The following CNIH4 variants were observed in gnomAD, a reference collection of about 807,000 sequenced individuals.
The protein encoded by CNIH4 is cornichon family member 4.
Under a neutral mutation model 21.5 loss-of-function variants are expected in CNIH4, and 9 were observed. The observed-to-expected ratio is 0.42, with a 90% CI of 0.25 to 0.73. The LOEUF (loss-of-function observed/expected upper bound fraction) is 0.73. Among genes scored for constraint, CNIH4 ranks in the 30% least tolerant of loss-of-function variants. The pLI is 0.27. For missense variants in CNIH4, 159 were observed against 170.0 expected, an observed-to-expected ratio of 0.94 and a Z score of 0.36; for synonymous variants, 67 against 59.1, an observed-to-expected ratio of 1.13 and a Z score of -0.61.
rs1672793893 is a variant in CNIH4 at position 224,376,781 on chromosome 1, C to T, written c.*959C>T. 2 of 978,138 alleles carry T rather than the reference C, an allele frequency of 2.0e-6. No individual in the cohort carries two copies. The highest frequency in any genetic ancestry group is 2.4e-6 in the Non-Finnish European group (2 of 826,350). The allele number at this position is 978,138 out of a possible 1,614,324, so 60.6% of individuals were successfully genotyped here. On this transcript the variant is annotated 3_prime_UTR_variant, in exon 5 of 5. Coordinates refer to ENST00000465271, the MANE Select transcript of CNIH4 (RefSeq NM_014184.4). Reference sequence around the variant, plus strand: ...AGCAATATACAACCAAACTCTGTTCCTTGGAGTTATATTGTAAACTCTTGC... The same window carrying T: ...AGCAATATACAACCAAACTCTGTTCTTTGGAGTTATATTGTAAACTCTTGC...
chr1:224,379,332 T>TC lies in CNIH4; in HGVS notation c.*3510_*3511insC. On this transcript the variant is annotated 3_prime_UTR_variant, in exon 5 of 5. Coordinates refer to ENST00000465271, the MANE Select transcript of CNIH4 (RefSeq NM_014184.4). ...TTGTATGCAATTAATCACTCTTAGA[T>TC]TGTATGTTCCTGGAGGGCAGAATAT... The TC allele has an allele frequency of 1.8e-6, 1 of 549,450 alleles. No homozygotes were observed. The highest frequency in any genetic ancestry group is 3.3e-6 in the Non-Finnish European group (1 of 304,312). 34.0% of individuals were successfully genotyped at this position (549,450 alleles called of 1,614,324 possible).
In CNIH4 at chr1:224,376,030, C is replaced by G. The variant is rs1358856381; in HGVS notation, c.*208C>G. ...TAGATTTCTAGTTCTCAACTTTAGC[C>G]TGAACGCCAACACTTGAAGGTGTTT... On this transcript the variant is annotated 3_prime_UTR_variant, in exon 5 of 5. Coordinates refer to ENST00000465271, the MANE Select transcript of CNIH4 (RefSeq NM_014184.4). 14 of 1,267,036 alleles carry G rather than the reference C, an allele frequency of 1.1e-5. No individual in the cohort carries two copies. Among genetic ancestry groups the G allele is most frequent in the Non-Finnish European group, 1.4e-5 (14 of 1,005,016 alleles). 78.5% of individuals were successfully genotyped at this position (1,267,036 alleles called of 1,614,324 possible). A position where few individuals can be genotyped will look rare whatever the true frequency, so the allele number is the denominator to read the frequency against.
Position 224,365,802 on chromosome 1 carries a change from T to C in CNIH4, c.139-77T>C, listed in dbSNP as rs571980351. 1.2e-3 allele frequency: 1,122 copies of C among 900,172 alleles called. 3 individuals are homozygous for C. Among genetic ancestry groups the C allele is most frequent in the Middle Eastern group, 4.5e-3 (21 of 4,658 alleles). 55.8% of individuals were successfully genotyped at this position (900,172 alleles called of 1,614,324 possible). A position where few individuals can be genotyped will look rare whatever the true frequency, so the allele number is the denominator to read the frequency against. On this transcript the variant is annotated intron_variant, in intron 2 of 4. Coordinates refer to ENST00000465271, the MANE Select transcript of CNIH4 (RefSeq NM_014184.4). ...AGCTTGTAAATTCTCTGTACGTTCA[T>C]TGATTTAGTTTCAAATAACATGTAC...
intron 2 of CNIH4, among the ~76,000 whole-genome samples, chr1:224,361,893 C>T (rs1672299151): frequency 6.6e-6 from 1 of 152,172 alleles, no homozygotes; most frequent in Admixed American, 6.5e-5. Flanking sequence ...CCTCATGTAG[C>T]TTCTTGAGAT....
chr1:224,363,842 T>C (rs1206105452), intron 2 of CNIH4, among the ~76,000 whole-genome samples: 1 of 152,210 alleles, frequency 6.6e-6, no homozygotes, highest in African/African-American at 2.4e-5. Flanking sequence ...TAGACTTCCC[T>C]GTAGGGTAAT....
Position 224,376,723 on chromosome 1 carries a change from T to C in CNIH4, c.*901T>C. ...CCTCTGCACTGACCACGTTGTGAACTGGGAGACCAAATGCAAGCCATTTCA... is the reference window on the plus strand; with the variant it reads ...CCTCTGCACTGACCACGTTGTGAACCGGGAGACCAAATGCAAGCCATTTCA... On this transcript the variant is annotated 3_prime_UTR_variant, in exon 5 of 5. Transcript: ENST00000465271. 2 of 985,436 alleles carry C rather than the reference T, an allele frequency of 2.0e-6. No homozygotes were observed. The highest frequency in any genetic ancestry group is 2.4e-6 in the Non-Finnish European group (2 of 829,938). The allele number at this position is 985,436 out of a possible 1,614,324, so 61.0% of individuals were successfully genotyped here. A position where few individuals can be genotyped will look rare whatever the true frequency, so the allele number is the denominator to read the frequency against.
upstream of CNIH4, chr1:224,356,837 T>G: frequency 8.5e-7 from 1 of 1,173,486 alleles, no homozygotes; most frequent in Non-Finnish European, 1.2e-6. Flanking sequence ...ACCACACGCC[T>G]CAGCCAGCCC....
intron 4 of CNIH4, among the ~76,000 whole-genome samples, chr1:224,375,036 C>G (rs1434005422): frequency 6.6e-6 from 1 of 152,172 alleles, no homozygotes; most frequent in Non-Finnish European, 1.5e-5. Flanking sequence ...TTATTGTTAA[C>G]TGTGTCAATT....
chr1:224,376,186 T>C lies in CNIH4; in HGVS notation c.*364T>C. The C allele has an allele frequency of 9.9e-7, 1 of 1,011,990 alleles. No homozygotes were observed. The highest frequency in any genetic ancestry group is 1.2e-6 in the Non-Finnish European group (1 of 847,738). The allele number at this position is 1,011,990 out of a possible 1,614,324, so 62.7% of individuals were successfully genotyped here. A position where few individuals can be genotyped will look rare whatever the true frequency, so the allele number is the denominator to read the frequency against. ...AAGAGATGAGCGAGCAAAGGTGCCC[T>C]TCAGGTCTACTGAAAAGTTAGAGTA... On this transcript the variant is annotated 3_prime_UTR_variant, in exon 5 of 5. Coordinates refer to ENST00000465271, the MANE Select transcript of CNIH4 (RefSeq NM_014184.4).
rs772022347 is a variant in CNIH4, at chr1:224,365,918, G to T, written c.178G>T (p.Val60Leu). 2 of 1,612,942 alleles carry T rather than the reference G, an allele frequency of 1.2e-6. No homozygotes were observed. The highest frequency in any genetic ancestry group is 2.7e-5 in the African/African-American group (2 of 74,894). Residue 60 changes from valine to leucine, a missense_variant, in exon 3 of 5, where the codon GTA becomes TTA. By Grantham distance (32) the Val-to-Leu change is conservative. Coordinates refer to ENST00000465271, the MANE Select transcript of CNIH4 (RefSeq NM_014184.4). ...PELIGHTIVT[V>L]LLLMSLHWFI... ...ATTGATTGGCCATACCATTGTCACT[G>T]TATTACTGCTCATGTCATTGCACTG...
chr1:224,373,781 T>C (rs917497117), intron 4 of CNIH4, among the ~76,000 whole-genome samples: 1 of 151,408 alleles, frequency 6.6e-6, no homozygotes, highest in African/African-American at 2.4e-5. Context: ...TGAGCCGATA[T>C]CATGCCACTG....
rs1290155293 is a variant in CNIH4 at position 224,377,247 on chromosome 1, T to C, written c.*1425T>C. 6.6e-6 allele frequency: 1 copy of C among 152,244 alleles called. No individual in the cohort carries two copies. The highest frequency in any genetic ancestry group is 1.5e-5 in the Non-Finnish European group (1 of 68,052). The allele number at this position is 152,244 out of a possible 1,614,324, so 9.4% of individuals were successfully genotyped here. A position where few individuals can be genotyped will look rare whatever the true frequency, so the allele number is the denominator to read the frequency against. ...GAAATTGCTCCTTGTGGTAATCTTA[T>C]ATTTCTGTCAGGCACAGGGCCAAGA... is the stretch of plus-strand genomic sequence containing the variant. On this transcript the variant is annotated 3_prime_UTR_variant, in exon 5 of 5. Coordinates refer to ENST00000465271, the MANE Select transcript of CNIH4 (RefSeq NM_014184.4).
chr1:224,368,019 A>G (rs1007556466), intron 3 of CNIH4, among the ~76,000 whole-genome samples: 2 of 152,248 alleles, frequency 1.3e-5, no homozygotes, highest in African/African-American at 2.4e-5. Flanking sequence ...AAAAGGTTCT[A>G]TGAAGTCAAG....
intron 3 of CNIH4, among the ~76,000 whole-genome samples, chr1:224,368,430 G>C (rs1326496310): frequency 6.6e-6 from 1 of 152,196 alleles, no homozygotes; most frequent in Non-Finnish European, 1.5e-5. Flanking sequence ...TGCAGTGACA[G>C]GTTGGCTGTC....
chr1:224,366,802 T>A (rs28633538), intron 3 of CNIH4, among the ~76,000 whole-genome samples: 4 of 147,018 alleles, frequency 2.7e-5, no homozygotes, highest in South Asian at 2.1e-4. Context: ...CTACTAAAAA[T>A]AAAAAAAAAA....
At chr1:224,366,461 C>T (rs1328911080) in intron 3 of CNIH4, among the ~76,000 whole-genome samples, 1 of 151,956 alleles carries the variant, frequency 6.6e-6, no homozygotes, top group Non-Finnish European at 1.5e-5. Flanking sequence ...AAGCCATTCT[C>T]CTGCCTCAGC....
rs764729219 is a variant in CNIH4 at position 224,375,496 on chromosome 1, G to GT, written c.393-290dup. On this transcript the variant is annotated intron_variant, in intron 4 of 4. Transcript: ENST00000465271. ...ACATAGGTGTTTTTTGTTTTGTTTT[G>GT]TTTTTTTTTAACTGAGCTAGGTTGT... Among the ~76,000 whole-genome samples, 68 of 149,896 alleles carry GT rather than the reference G, an allele frequency of 4.5e-4. 1 individual carries two copies. The highest frequency in any genetic ancestry group is 2.4e-3 in the East Asian group (12 of 5,098).
chr1:224,378,514 A>G lies in CNIH4; in HGVS notation c.*2692A>G, dbSNP rs11586729. ...TGTCTAACTCCCTCATCCCAAAGAT[A>G]AACTGAGGCCTAGAGATCGTTCAGG... On this transcript the variant is annotated 3_prime_UTR_variant, in exon 5 of 5. Coordinates refer to ENST00000465271, the MANE Select transcript of CNIH4 (RefSeq NM_014184.4). The G allele has an allele frequency of 0.2, 30,132 of 153,044 alleles. 3,223 individuals carry two copies. Among genetic ancestry groups the G allele is most frequent in the Middle Eastern group, 0.22 (68 of 304 alleles). The allele number at this position is 153,044 out of a possible 1,614,324, so 9.5% of individuals were successfully genotyped here.
intron 3 of CNIH4, 67 bp from the exon 4 acceptor site, chr1:224,371,216 T>C (rs1672616739): frequency 2.7e-6 from 4 of 1,506,942 alleles, no homozygotes; most frequent in Non-Finnish European, 3.6e-6. Flanking sequence ...TATTGGCTAC[T>C]TATATTTGAA....
Sources: gnomAD v4.1 joint callset for allele counts (sites outside exome capture counted in the v4.1 genomes callset) on GRCh38, gnomAD v4.1.1 for gene constraint, MANE v1.5 for transcripts, NCBI Gene and HGNC (gene_info 2026-07-23, HGNC 2026-07-21) for gene names.